Variants in ATRX observed in about 807,000 individuals in gnomAD.
ATRX encodes chromatin remodeler ATRX.
In ATRX, 12 loss-of-function variants were observed where a neutral mutation model predicts 172.6. The observed-to-expected ratio is 0.07, with a 90% CI of 0.04 to 0.11. The LOEUF is 0.11. Among genes scored for constraint, ATRX ranks in the 10% least tolerant of loss-of-function variants. The pLI is 1.00. For missense variants in ATRX, 1,368 were observed against 1,767.4 expected (o/e 0.77, Z 4.05); for synonymous variants, 674 against 594.7 (o/e 1.13, Z -1.94).
intron 1 of ATRX, among the ~76,000 whole-genome samples, chrX:77,774,226 A>C (rs1313356051): frequency 9.0e-6 from 1 of 110,814 alleles, no homozygotes; most frequent in Non-Finnish European, 1.9e-5. Flanking sequence ...GTCTCAAAAA[A>C]AAAAAAATGG....
At chrX:77,675,129 G>A in intron 10 of ATRX, 1 of 111,890 alleles carries the variant, frequency 8.9e-6, no homozygotes, top group East Asian at 2.8e-4. Context: ...TACTAAGTCA[G>A]TTAATTTCTT....
At chrX:77,653,954 T>C (rs1402115389) in intron 14 of ATRX, 144 bp downstream of exon 14, 1 of 452,276 alleles carries the variant, frequency 2.2e-6, no homozygotes, top group African/African-American at 2.5e-5. Flanking sequence ...CATATATATA[T>C]TCAATAACCA....
chrX:77,718,917 G>A (rs1001333113), intron 1 of ATRX, among the ~76,000 whole-genome samples: 1 of 110,636 alleles, frequency 9.0e-6, no homozygotes, highest in African/African-American at 3.3e-5. Flanking sequence ...ACACACCTAT[G>A]TTCTTAGTTG....
intron 2 of ATRX, among the ~76,000 whole-genome samples, chrX:77,700,619 A>G (rs1287424236): frequency 1.8e-5 from 2 of 112,525 alleles, no homozygotes; most frequent in African/African-American, 3.2e-5. Context: ...CATAACTGCC[A>G]AAACTTAGAA....
At chrX:77,654,958 A>C (rs2148454755) in intron 13 of ATRX, among the ~76,000 whole-genome samples, 1 of 111,707 alleles carries the variant, frequency 9.0e-6, no homozygotes, top group Non-Finnish European at 1.9e-5. Flanking sequence ...TTAAGTCTTT[A>C]AAAGGAAGAA....
rs199639051 is a variant in ATRX at position 77,716,110 on chromosome X, A to ATTTTTTTTTTTTTTTTTT, written c.133+1003_133+1020dup. 3.7e-5 allele frequency among the ~76,000 whole-genome samples: 2 copies of ATTTTTTTTTTTTTTTTTT among 54,403 alleles called. 1 individual carries two copies. Among genetic ancestry groups the ATTTTTTTTTTTTTTTTTT allele is most frequent in the East Asian group, 1.3e-3 (2 of 1,557 alleles). 47.2% of individuals were successfully genotyped at this position (54,403 alleles called of 115,157 possible). On this transcript the variant is annotated intron_variant, in intron 2 of 34. Coordinates refer to ENST00000373344, the MANE Select transcript of ATRX (RefSeq NM_000489.6). The stretch of plus-strand genomic sequence containing the variant: ...ACATAGCAAGACCATGTCTCTAAAA[A>ATTTTTTTTTTTTTTTTTT]TTTTTTTTTTTTTTTTTTTTTTTTT...
chrX:77,578,976 C>T (rs782277484), intron 27 of ATRX, among the ~76,000 whole-genome samples: 27 of 111,482 alleles, frequency 2.4e-4, no homozygotes, highest in African/African-American at 8.2e-4. Context: ...GCCCTTAGGC[C>T]TTAAGTGAAC....
chrX:77,696,487 T>C, intron 5 of ATRX, 90 bp downstream of exon 5: 2 of 980,142 alleles, frequency 2.0e-6, no homozygotes, highest in South Asian at 2.0e-5. Context: ...CGTTTGTACA[T>C]AGTTAACAGT....
At chrX:77,777,109 T>G (rs1484999224) in intron 1 of ATRX, among the ~76,000 whole-genome samples, 2 of 102,883 alleles carry the variant, frequency 1.9e-5, no homozygotes, top group African/African-American at 7.3e-5. Flanking sequence ...ATCCCTGCAC[T>G]TTGGGAGGCC....
intron 22 of ATRX, among the ~76,000 whole-genome samples, chrX:77,605,225 G>A (rs1557089733): frequency 9.0e-6 from 1 of 111,526 alleles, no homozygotes; most frequent in South Asian, 3.8e-4. Flanking sequence ...TCAGGAGTTC[G>A]AGAACAGCCT....
chrX:77,548,145 A>G (rs2064316058), intron 30 of ATRX, among the ~76,000 whole-genome samples: 1 of 111,608 alleles, frequency 9.0e-6, no homozygotes, highest in South Asian at 3.8e-4. Context: ...TACATCTGAA[A>G]AGGGTGGTTG....
chrX:77,522,394 A>C lies in ATRX; in HGVS notation c.6850-6T>G. 8.3e-7 allele frequency: 1 copy of C among 1,209,461 alleles called. No homozygotes were observed. Among genetic ancestry groups the C allele is most frequent in the Non-Finnish European group, 1.1e-6 (1 of 893,863 alleles). On this transcript the variant is annotated splice_region_variant and splice_polypyrimidine_tract_variant and intron_variant, in intron 31 of 34. Coordinates refer to ENST00000373344, the MANE Select transcript of ATRX (RefSeq NM_000489.6). ...TTGAAACGCATGGTCAGTCCCTAAA[A>C]ACAAAAAAATTATGCACTTTTCACA...
chrX:77,719,063 C>T (rs781869157), intron 1 of ATRX, among the ~76,000 whole-genome samples: 93 of 111,062 alleles, frequency 8.4e-4, no homozygotes, highest in Admixed American at 4.7e-3. Context: ...CCTCCCAAAG[C>T]ACTGGGATGA....
intron 1 of ATRX, among the ~76,000 whole-genome samples, chrX:77,727,350 A>G (rs1317614266): frequency 9.0e-6 from 1 of 111,538 alleles, no homozygotes; most frequent in African/African-American, 3.3e-5. Context: ...AAAGGATTAT[A>G]AATCATTCTA....
chrX:77,550,438 A>C (rs781800891), intron 30 of ATRX, among the ~76,000 whole-genome samples: 3 of 111,823 alleles, frequency 2.7e-5, no homozygotes, highest in Non-Finnish European at 5.6e-5. Flanking sequence ...AAAACTCTCA[A>C]TAAATTAGGT....
At chrX:77,621,473 C>T (rs563037797) in intron 19 of ATRX, among the ~76,000 whole-genome samples, 4 of 110,681 alleles carry the variant, frequency 3.6e-5, no homozygotes, top group African/African-American at 9.8e-5. Flanking sequence ...CCATGCCTGG[C>T]TAATTTTTTT....
chrX:77,733,422 C>A (rs919711696), intron 1 of ATRX, among the ~76,000 whole-genome samples: 1 of 111,060 alleles, frequency 9.0e-6, no homozygotes, highest in Non-Finnish European at 1.9e-5. Context: ...GTTATAGTAA[C>A]CAAAACAGCA....
intron 30 of ATRX, among the ~76,000 whole-genome samples, chrX:77,532,179 G>T (rs1310237794): frequency 9.0e-6 from 1 of 110,673 alleles, no homozygotes; most frequent in African/African-American, 3.3e-5. Context: ...TGGATAGGAA[G>T]AATCAATAGT....
At chrX:77,731,735 T>C (rs781912030) in intron 1 of ATRX, among the ~76,000 whole-genome samples, 2 of 110,897 alleles carry the variant, frequency 1.8e-5, no homozygotes, top group South Asian at 7.7e-4. Flanking sequence ...TGGCCAAACT[T>C]TGGGAAAGGA....
Sources: allele counts gnomAD v4.1 joint callset (sites outside exome capture counted in the v4.1 genomes callset), GRCh38; gene constraint gnomAD v4.1.1; transcripts MANE v1.5; gene names NCBI Gene and HGNC (gene_info 2026-07-23, HGNC 2026-07-21).